Variants in DYM observed in about 807,000 individuals in gnomAD.
DYM encodes the protein dymeclin, also known as dyggve-Melchior-Clausen syndrome protein.
DYM carries 78 observed loss-of-function variants against 93.1 expected under a neutral mutation model. The observed-to-expected ratio is 0.84, with a 90% CI of 0.70 to 1.01. The LOEUF is 1.01. Ranked by LOEUF, DYM falls within the 50% of genes least tolerant of loss-of-function variation. The pLI, the probability that DYM is intolerant of heterozygous loss-of-function variation, is 0.00. For synonymous variants in DYM, 321 were observed against 319.7 expected, an observed-to-expected ratio of 1.00 and a Z score of -0.04; for missense variants, 789 against 845.0, an observed-to-expected ratio of 0.93 and a Z score of 0.82.
At chr18:49,105,359 C>A (rs1310649526) in intron 16 of DYM, among the ~76,000 whole-genome samples, 1 of 152,176 alleles carries the variant, frequency 6.6e-6, no homozygotes, top group Non-Finnish European at 1.5e-5. Flanking sequence ...AAAAAACCAG[C>A]TCCTGGATTC....
intron 2 of DYM, among the ~76,000 whole-genome samples, chr18:49,412,253 A>AG (rs1317026905): frequency 1.3e-5 from 2 of 151,730 alleles, no homozygotes; most frequent in African/African-American, 4.8e-5. Flanking sequence ...AAAAAAAAAA[A>AG]AATTCCAACC....
At chr18:49,415,950 T>C (rs954301271) in intron 2 of DYM, among the ~76,000 whole-genome samples, 4 of 146,174 alleles carry the variant, frequency 2.7e-5, no homozygotes, top group Admixed American at 6.9e-5. Context: ...AAAAGGTAGA[T>C]TGCTTATACA....
At chr18:49,356,206 A>T (rs980689767) in intron 6 of DYM, among the ~76,000 whole-genome samples, 14 of 151,584 alleles carry the variant, frequency 9.2e-5, no homozygotes, top group African/African-American at 3.4e-4. Flanking sequence ...TATTAATGTC[A>T]AATCACTTTA....
intron 13 of DYM, among the ~76,000 whole-genome samples, chr18:49,255,450 G>A (rs535553297): frequency 3.3e-5 from 5 of 152,126 alleles, no homozygotes; most frequent in African/African-American, 9.6e-5. Flanking sequence ...CAAGGTGGGC[G>A]GATCATGAGG....
intron 3 of DYM, among the ~76,000 whole-genome samples, chr18:49,389,126 T>C (rs998729245): frequency 1.3e-5 from 2 of 152,170 alleles, no homozygotes; most frequent in Admixed American, 6.5e-5. Context: ...TCACAAAAGA[T>C]TAGCAGTGAT....
At chr18:49,175,910 G>A (rs192427267) in intron 14 of DYM, among the ~76,000 whole-genome samples, 18 of 152,268 alleles carry the variant, frequency 1.2e-4, no homozygotes, top group Non-Finnish European at 2.5e-4. Context: ...ACCCTGCATT[G>A]TAACTGGAGA....
chr18:49,058,943 A>T (rs1486288323), intron 17 of DYM, among the ~76,000 whole-genome samples: 1 of 152,232 alleles, frequency 6.6e-6, no homozygotes, highest in Non-Finnish European at 1.5e-5. Context: ...TGCTCAGCAC[A>T]AAAGGGGTGA....
chr18:49,194,054 T>C (rs2091219487), intron 14 of DYM, among the ~76,000 whole-genome samples: 1 of 152,224 alleles, frequency 6.6e-6, no homozygotes, highest in Non-Finnish European at 1.5e-5. Context: ...TGCCAGGGCA[T>C]GGAGTGGGTG....
At chr18:49,185,577 TTAAAG>T (rs775713530) in intron 14 of DYM, among the ~76,000 whole-genome samples, 18 of 152,354 alleles carry the variant, frequency 1.2e-4, no homozygotes, top group South Asian at 4.1e-4. Flanking sequence ...ATCAGAAAGC[TTAAAG>T]TATTTATCTT....
chr18:49,281,547 C>G (rs1308308299), intron 10 of DYM, among the ~76,000 whole-genome samples: 1 of 152,196 alleles, frequency 6.6e-6, no homozygotes, highest in African/African-American at 2.4e-5. Flanking sequence ...AGACTTGGAA[C>G]CAAGCCAAAT....
chr18:49,230,456 G>C (rs9959917), intron 13 of DYM, among the ~76,000 whole-genome samples: 1,889 of 152,090 alleles, frequency 0.012, 39 homozygotes, highest in African/African-American at 0.044. Context: ...CCTCAAAAAA[G>C]AACTACTATC....
intron 8 of DYM, among the ~76,000 whole-genome samples, chr18:49,309,629 T>C (rs2146325852): frequency 6.6e-6 from 1 of 152,306 alleles, no homozygotes; most frequent in South Asian, 2.1e-4. Context: ...AGCAAGATCC[T>C]GTCTCTAAAA....
At chr18:49,375,203 C>CAT (rs2067382382) in intron 5 of DYM, among the ~76,000 whole-genome samples, 1 of 148,526 alleles carries the variant, frequency 6.7e-6, no homozygotes, top group Non-Finnish European at 1.5e-5. Context: ...GACACACACA[C>CAT]ACACACACAC....
intron 2 of DYM, among the ~76,000 whole-genome samples, chr18:49,401,212 A>C (rs2070776037): frequency 6.6e-6 from 1 of 152,196 alleles, no homozygotes; most frequent in African/African-American, 2.4e-5. Context: ...ATAAATACTT[A>C]AAACTAGTAA....
intron 13 of DYM, among the ~76,000 whole-genome samples, chr18:49,220,830 A>G (rs1005085876): frequency 6.6e-6 from 1 of 152,240 alleles, no homozygotes; most frequent in Admixed American, 6.5e-5. Flanking sequence ...AATACCATTC[A>G]GGACATAGGC....
chr18:49,353,308 T>TG (rs1393992926), intron 6 of DYM, among the ~76,000 whole-genome samples: 1 of 152,142 alleles, frequency 6.6e-6, no homozygotes, highest in African/African-American at 2.4e-5. Flanking sequence ...TCATTATTTT[T>TG]ATTGAACCCA....
At chr18:49,441,276 T>TTTTATATATATATA (rs2081547947) in intron 1 of DYM, among the ~76,000 whole-genome samples, 1 of 43,296 alleles carries the variant, frequency 2.3e-5, no homozygotes, top group African/African-American at 9.3e-5. Context: ...ATAATATATA[T>TTTTATATATATATA]TATATAATTA....
At chr18:49,272,552 G>A (rs1599036538) in intron 10 of DYM, among the ~76,000 whole-genome samples, 1 of 152,132 alleles carries the variant, frequency 6.6e-6, no homozygotes, top group East Asian at 1.9e-4. Context: ...GGTTGGATCT[G>A]CAAGGACCAT....
At position 49,164,091 on chromosome 18, in the gene DYM, A is replaced by C. The variant is rs12232591; in HGVS notation, c.1626-304T>G. ...GGAAAAGAATAGTGGCAAAAACCTG[A>C]GATGTAGACTATGACTAACTCATAG... On this transcript the variant is annotated intron_variant, in intron 14 of 17. Transcript: ENST00000675505. Among the ~76,000 whole-genome samples, 88,040 of 151,930 alleles carry C rather than the reference A, an allele frequency of 0.58. 27,902 individuals carry two copies. The highest frequency in any genetic ancestry group is 0.73 in the Non-Finnish European group (49,355 of 67,946).
Sources: gnomAD v4.1 joint callset for allele counts (sites outside exome capture counted in the v4.1 genomes callset) on GRCh38, gnomAD v4.1.1 for gene constraint, MANE v1.5 for transcripts, NCBI Gene and HGNC (gene_info 2026-07-23, HGNC 2026-07-21) for gene names.